Variants in CFDP1 observed in about 807,000 individuals in gnomAD.
The protein encoded by CFDP1 is chromatin remodeling protein CFDP1, also known as heterochromatin-stabilizing protein CFDP1.
In CFDP1, 31 loss-of-function variants were observed where a neutral mutation model predicts 40.1. The observed-to-expected ratio is 0.77, with a 90% CI of 0.58 to 1.04. CFDP1 has a LOEUF of 1.04. CFDP1 is among the 50% of genes least tolerant of loss of function. CFDP1 has a pLI of 0.00. For missense variants in CFDP1, 423 were observed against 343.4 expected, an observed-to-expected ratio of 1.23 and a Z score of -1.83; for synonymous variants, 167 against 120.0, an observed-to-expected ratio of 1.39 and a Z score of -2.56.
chr16:75,396,494 A>C lies in CFDP1; in HGVS notation c.531-1285T>G, dbSNP rs536749685. The stretch of plus-strand genomic sequence containing the variant: ...GTGGAGGTTGCAGTGAGCTCAGACC[A>C]CGCCACTGCACTTCAGCCTGGGCAA... On this transcript the variant is annotated intron_variant, in intron 4 of 6. Transcript: ENST00000283882. Among the ~76,000 whole-genome samples the C allele has an allele frequency of 6.3e-3, 652 of 103,780 alleles. 163 individuals are homozygous for C. Among genetic ancestry groups the C allele is most frequent in the African/African-American group, 0.018 (630 of 34,856 alleles). The allele number at this position is 103,780 out of a possible 152,430, so 68.1% of individuals were successfully genotyped here. A position where few individuals can be genotyped will look rare whatever the true frequency, so the allele number is the denominator to read the frequency against.
chr16:75,385,490 A>C (rs920079071), intron 5 of CFDP1, among the ~76,000 whole-genome samples: 1 of 152,170 alleles, frequency 6.6e-6, no homozygotes, highest in African/African-American at 2.4e-5. Flanking sequence ...CCAAGGAAAA[A>C]AATGAAAGAA....
At chr16:75,422,064 A>G (rs563813079) in intron 1 of CFDP1, among the ~76,000 whole-genome samples, 1 of 152,346 alleles carries the variant, frequency 6.6e-6, no homozygotes, top group East Asian at 1.9e-4. Context: ...GTACAGACAT[A>G]ACCACCCATT....
intron 5 of CFDP1, among the ~76,000 whole-genome samples, chr16:75,325,326 G>C (rs1014271762): frequency 6.6e-6 from 1 of 152,166 alleles, no homozygotes; most frequent in African/African-American, 2.4e-5. Context: ...TAGAGGCCTT[G>C]CCTCAAGCTA....
intron 5 of CFDP1, among the ~76,000 whole-genome samples, chr16:75,347,231 G>T (rs903494050): frequency 6.7e-6 from 1 of 150,286 alleles, no homozygotes; most frequent in African/African-American, 2.4e-5. Context: ...GTAATCCCAG[G>T]TACTCAGGAG....
At chr16:75,367,669 T>C (rs866611768) in intron 5 of CFDP1, among the ~76,000 whole-genome samples, 67 of 151,454 alleles carry the variant, frequency 4.4e-4, no homozygotes, top group African/African-American at 1.6e-3. Flanking sequence ...GGCAGGAGCC[T>C]GAAATCCCAG....
chr16:75,414,808 A>G, intron 1 of CFDP1, 113 bp from the exon 2 acceptor site: 1 of 715,682 alleles, frequency 1.4e-6, no homozygotes, highest in Non-Finnish European at 2.4e-6. Context: ...GAAAAAGTGA[A>G]TTTTCCCCTA....
chr16:75,310,726 G>A (rs2078289083), intron 5 of CFDP1, among the ~76,000 whole-genome samples: 1 of 152,176 alleles, frequency 6.6e-6, no homozygotes, highest in African/African-American at 2.4e-5. Flanking sequence ...GGATCCTGCT[G>A]TTTGTTTAAA....
chr16:75,305,479 G>A (rs139327089), intron 5 of CFDP1: 31 of 305,510 alleles, frequency 1.0e-4, no homozygotes, highest in Admixed American at 6.2e-4. Flanking sequence ...AGGAGGGGAG[G>A]AGCAGCGCTT....
intron 6 of CFDP1, among the ~76,000 whole-genome samples, chr16:75,294,334 C>A (rs1399903884): frequency 6.6e-6 from 1 of 152,200 alleles, no homozygotes; most frequent in East Asian, 1.9e-4. Context: ...CCGGTTTACA[C>A]AAGCATGGGT....
intron 4 of CFDP1, among the ~76,000 whole-genome samples, chr16:75,406,306 G>A (rs1302086373): frequency 1.3e-5 from 2 of 152,126 alleles, no homozygotes; most frequent in Non-Finnish European, 2.9e-5. Flanking sequence ...CAGCCTGGGA[G>A]ATCATGGCTG....
chr16:75,419,613 G>C (rs2079253437), intron 1 of CFDP1, among the ~76,000 whole-genome samples: 1 of 152,180 alleles, frequency 6.6e-6, no homozygotes, highest in Non-Finnish European at 1.5e-5. Context: ...TGCATTCCCA[G>C]GAGGTTAAGG....
intron 4 of CFDP1, among the ~76,000 whole-genome samples, chr16:75,397,646 G>C (rs757803275): frequency 3.3e-5 from 5 of 151,714 alleles, no homozygotes; most frequent in African/African-American, 9.7e-5. Flanking sequence ...ACTAAAAAAA[G>C]TAAAAAAAAT....
intron 4 of CFDP1, among the ~76,000 whole-genome samples, chr16:75,400,762 G>C (rs1300146322): frequency 6.6e-6 from 1 of 152,238 alleles, no homozygotes; most frequent in African/African-American, 2.4e-5. Context: ...ACAAGATGGA[G>C]TGCTACGAAA....
At chr16:75,354,387 G>C (rs1446660436) in intron 5 of CFDP1, among the ~76,000 whole-genome samples, 1 of 152,162 alleles carries the variant, frequency 6.6e-6, no homozygotes, top group Non-Finnish European at 1.5e-5. Context: ...AAAGTTGAAA[G>C]AGATCACAGA....
intron 4 of CFDP1, among the ~76,000 whole-genome samples, chr16:75,411,527 A>G (rs1165212142): frequency 6.6e-6 from 1 of 152,222 alleles, no homozygotes; most frequent in Admixed American, 6.5e-5. Context: ...AAAGGGAGAC[A>G]TGACTTACCA....
chr16:75,412,665 T>G lies in CFDP1; in HGVS notation c.272A>C (p.Asp91Ala), dbSNP rs1388612337. 6.2e-7 allele frequency: 1 copy of G among 1,614,166 alleles called. No individual in the cohort carries two copies. Among genetic ancestry groups the G allele is most frequent in the South Asian group, 1.1e-5 (1 of 91,082 alleles). Reference sequence around the variant, plus strand: ...GCCTTTTTCCTGCTCTGCAGCGTCATCTTCCTCCTCACTACTGCTTCCCTC... The same window carrying G: ...GCCTTTTTCCTGCTCTGCAGCGTCAGCTTCCTCCTCACTACTGCTTCCCTC... ...ESEGSSSEEEDDAAEQEKGIG... is the reference protein window; with the variant it reads ...ESEGSSSEEEADAAEQEKGIG... Residue 91 changes from aspartate to alanine, a missense_variant, in exon 3 of 7, where the codon GAT becomes GCT. Transcript: ENST00000283882.
chr16:75,317,587 A>G (rs1040822827), intron 5 of CFDP1, among the ~76,000 whole-genome samples: 17 of 152,228 alleles, frequency 1.1e-4, no homozygotes, highest in African/African-American at 4.1e-4. Flanking sequence ...GGGGAGAATA[A>G]TTTATTGACC....
At chr16:75,430,672 C>A (rs1246446617) in intron 1 of CFDP1, among the ~76,000 whole-genome samples, 2 of 152,070 alleles carry the variant, frequency 1.3e-5, no homozygotes, top group Non-Finnish European at 2.9e-5. Context: ...CCACGTTGGC[C>A]AGGCTGGTCT....
chr16:75,413,354 C>T (rs1305001111), intron 2 of CFDP1, among the ~76,000 whole-genome samples: 1 of 152,012 alleles, frequency 6.6e-6, no homozygotes, highest in Non-Finnish European at 1.5e-5. Context: ...ACAGAGATTC[C>T]ACTACCTTTT....
Sources: gnomAD v4.1 joint callset for allele counts (sites outside exome capture counted in the v4.1 genomes callset) on GRCh38, gnomAD v4.1.1 for gene constraint, MANE v1.5 for transcripts, NCBI Gene and HGNC (gene_info 2026-07-23, HGNC 2026-07-21) for gene names.